BRF1: variants seen among roughly 807,000 people sequenced by gnomAD.
BRF1 encodes the protein BRF1 general transcription factor IIIB subunit.
Under a neutral mutation model 81.7 loss-of-function variants are expected in BRF1, and 59 were observed. That is an observed-to-expected ratio of 0.72 (90% CI 0.59 to 0.90). BRF1 has a LOEUF of 0.90. Among genes scored for constraint, BRF1 ranks in the 40% least tolerant of loss-of-function variants. The pLI is 0.00. For missense variants in BRF1, 1,050 were observed against 936.3 expected, an observed-to-expected ratio of 1.12 and a Z score of -1.58; for synonymous variants, 491 against 395.6, an observed-to-expected ratio of 1.24 and a Z score of -2.86.
chr14:105,228,680 G>A (rs587636544), intron 7 of BRF1, 140 bp downstream of exon 7: 100 of 889,264 alleles, frequency 1.1e-4, no homozygotes, highest in Admixed American at 5.7e-4. Context: ...TAGTGTGACC[G>A]GGGCTGGGCT....
chr14:105,301,666 G>T (rs1830009569), upstream of BRF1, among the ~76,000 whole-genome samples: 1 of 152,258 alleles, frequency 6.6e-6, no homozygotes, highest in African/African-American at 2.4e-5. Flanking sequence ...TCCGTTTTCT[G>T]TTCCCCTAAA....
rs201049171 is a variant in BRF1 at position 105,212,182 on chromosome 14, G to C, written c.1773-18C>G. On this transcript the variant is annotated intron_variant, in intron 15 of 17. Coordinates refer to ENST00000547530, the MANE Select transcript of BRF1 (RefSeq NM_001519.4). ...GCCTCAACCTGCAAAAGGAAGCACA[G>C]CATGGCGGCCTCAGCCCAGGCTCCC... is the stretch of plus-strand genomic sequence containing the variant. 6.2e-7 allele frequency: 1 copy of C among 1,609,108 alleles called. No homozygotes were observed. The highest frequency in any genetic ancestry group is 1.7e-5 in the Admixed American group (1 of 59,566).
chr14:105,223,890 G>A (rs907027953), intron 10 of BRF1, among the ~76,000 whole-genome samples: 3 of 152,238 alleles, frequency 2.0e-5, no homozygotes, highest in Non-Finnish European at 4.4e-5. Context: ...CCTCCTCCTT[G>A]AGCTACGTGT....
chr14:105,252,279 G>A, intron 5 of BRF1: 1 of 735,988 alleles, frequency 1.4e-6, no homozygotes, highest in Non-Finnish European at 1.7e-6. Context: ...GTTTGAGGCT[G>A]CAGTGAGCTA....
rs113259522 is a variant in BRF1 at position 105,311,127 on chromosome 14, T to C, written c.-162+4195A>G. 4.0e-3 allele frequency among the ~76,000 whole-genome samples: 613 copies of C among 152,196 alleles called. 5 individuals carry two copies. The highest frequency in any genetic ancestry group is 0.014 in the African/African-American group (587 of 41,520). ...ACCATCATGCCCCACTAATTTTTTG[T>C]ATTTTTAGTAGAGATGGGGTTTCAC... On this transcript the variant is annotated intron_variant, in intron 1 of 17. Coordinates refer to the BRF1 transcript ENST00000327359.
In BRF1 at chr14:105,313,549, C is replaced by T. The variant is rs1370238207; in HGVS notation, c.-162+1773G>A. Among the ~76,000 whole-genome samples the T allele has an allele frequency of 2.6e-5, 4 of 152,354 alleles. No individual in the cohort carries two copies. In the East Asian group the frequency reaches 5.8e-4, roughly 22 times the overall value. On this transcript the variant is annotated intron_variant, in intron 1 of 17. Coordinates refer to the BRF1 transcript ENST00000327359. ...TTTGCAGTTCTAGATACAGGAGTTACAGCTGGAGGCTGAGCTCTCTCAACG... is the reference window on the plus strand; with the variant it reads ...TTTGCAGTTCTAGATACAGGAGTTATAGCTGGAGGCTGAGCTCTCTCAACG...
chr14:105,287,338 T>C (rs1455767525), intron 1 of BRF1, among the ~76,000 whole-genome samples: 1 of 152,118 alleles, frequency 6.6e-6, no homozygotes, highest in Non-Finnish European at 1.5e-5. Flanking sequence ...ACCCAAACGC[T>C]GCGGCCTGAT....
intron 4 of BRF1, among the ~76,000 whole-genome samples, chr14:105,254,895 A>G (rs1357916276): frequency 6.6e-6 from 1 of 152,178 alleles, no homozygotes; most frequent in African/African-American, 2.4e-5. Flanking sequence ...AGTTGCTACC[A>G]TGTATGAGGA....
intron 3 of BRF1, among the ~76,000 whole-genome samples, chr14:105,267,965 A>C (rs2056495454): frequency 6.7e-6 from 1 of 149,254 alleles, no homozygotes; most frequent in Non-Finnish European, 1.5e-5. Flanking sequence ...ACGCGTGGCC[A>C]GGCACGCCAT....
At chr14:105,293,048 A>C (rs7146683) in intron 1 of BRF1, among the ~76,000 whole-genome samples, 1 of 152,078 alleles carries the variant, frequency 6.6e-6, no homozygotes, top group Non-Finnish European at 1.5e-5. Flanking sequence ...CCCGTTTCCT[A>C]AGAGCAGGCA....
chr14:105,301,430 G>A (rs2058021316), upstream of BRF1, among the ~76,000 whole-genome samples: 1 of 151,622 alleles, frequency 6.6e-6, no homozygotes, highest in South Asian at 2.1e-4. Flanking sequence ...GGGGCTTGAG[G>A]CGAGGGGGCC....
At chr14:105,313,705 T>C (rs991355217) in intron 1 of BRF1, among the ~76,000 whole-genome samples, 9 of 152,230 alleles carry the variant, frequency 5.9e-5, no homozygotes, top group African/African-American at 1.9e-4. Flanking sequence ...GTAAAACTAC[T>C]TGTAGACAAG....
At chr14:105,218,862 A>C in intron 14 of BRF1, 136 bp downstream of exon 14, 1 of 1,284,318 alleles carries the variant, frequency 7.8e-7, no homozygotes, top group South Asian at 1.3e-5. Flanking sequence ...TCTGGGGTCC[A>C]GAGCACATGG....
intron 5 of BRF1, among the ~76,000 whole-genome samples, chr14:105,251,690 A>G (rs2055623253): frequency 6.6e-6 from 1 of 151,984 alleles, no homozygotes; most frequent in South Asian, 2.1e-4. Flanking sequence ...TCTCTACCCA[A>G]AGGACATACG....
intron 10 of BRF1, among the ~76,000 whole-genome samples, chr14:105,224,919 G>C (rs1892851725): frequency 6.6e-6 from 1 of 152,216 alleles, no homozygotes; most frequent in South Asian, 2.1e-4. Context: ...GAGTCCCGGA[G>C]GGGTCCCCAT....
intron 1 of BRF1, among the ~76,000 whole-genome samples, chr14:105,312,760 A>G (rs1333099153): frequency 6.6e-6 from 1 of 152,226 alleles, no homozygotes; most frequent in African/African-American, 2.4e-5. Context: ...TGGAAAATAC[A>G]GAAGACCACA....
In BRF1 at chr14:105,219,237, G is replaced by A. The variant is rs779689491; in HGVS notation, c.1378-5C>T. On this transcript the variant is annotated splice_polypyrimidine_tract_variant and splice_region_variant and intron_variant, in intron 12 of 17. Coordinates refer to ENST00000547530, the MANE Select transcript of BRF1 (RefSeq NM_001519.4). ...TTCCGACTCATTCAGGATGTACTGG[G>A]CGAGCACAGGGAAGTGGGGCTGGCT... is the stretch of plus-strand genomic sequence containing the variant. The A allele has an allele frequency of 3.1e-6, 5 of 1,610,830 alleles. No homozygotes were observed. Among genetic ancestry groups the A allele is most frequent in the Admixed American group, 3.3e-5 (2 of 59,970 alleles).
At chr14:105,216,100 GAC>G (rs1472251532) in intron 15 of BRF1, among the ~76,000 whole-genome samples, 4 of 151,440 alleles carry the variant, frequency 2.6e-5, no homozygotes, top group Admixed American at 6.6e-5. Flanking sequence ...CATGCGCACA[GAC>G]ACAGGCACAC....
At chr14:105,218,888 C>A (rs377436720) in intron 14 of BRF1, 110 bp downstream of exon 14, 28 of 1,496,888 alleles carry the variant, frequency 1.9e-5, no homozygotes, top group Non-Finnish European at 1.4e-5. Context: ...GGCTGCCTGC[C>A]CTGGGGCCTA....
Sources: allele counts gnomAD v4.1 joint callset (sites outside exome capture counted in the v4.1 genomes callset), GRCh38; gene constraint gnomAD v4.1.1; transcripts MANE v1.5; gene names NCBI Gene and HGNC (gene_info 2026-07-23, HGNC 2026-07-21).